The following TPTE variants were observed in gnomAD, a reference collection of about 807,000 sequenced individuals.
TPTE encodes putative tyrosine-protein phosphatase TPTE.
In TPTE, 59 loss-of-function variants were observed where a neutral mutation model predicts 84.1. The observed-to-expected ratio is 0.70, with a 90% CI of 0.57 to 0.87. The LOEUF is 0.87. TPTE is among the 40% of genes least tolerant of loss of function. The pLI is 0.00. For missense variants in TPTE, 382 were observed against 659.6 expected (o/e 0.58, Z 4.61); for synonymous variants, 130 against 223.5 (o/e 0.58, Z 3.73).
At chr21:10,546,445 C>G (rs1327588892) in intron 7 of TPTE, among the ~76,000 whole-genome samples, 5 of 152,296 alleles carry the variant, frequency 3.3e-5, no homozygotes, top group Non-Finnish European at 5.9e-5. Flanking sequence ...TCTGAGTGTC[C>G]TAGTGAAGGG....
intron 10 of TPTE, among the ~76,000 whole-genome samples, chr21:10,561,822 G>T (rs527622618): frequency 6.6e-6 from 1 of 152,430 alleles, no homozygotes; most frequent in South Asian, 2.1e-4. Flanking sequence ...CCATCCTGAA[G>T]GCAAGGACAC....
chr21:10,564,226 T>C (rs542971733), intron 10 of TPTE, among the ~76,000 whole-genome samples: 231 of 152,306 alleles, frequency 1.5e-3, no homozygotes, highest in African/African-American at 5.3e-3. Context: ...AAGACACATG[T>C]AGGCTGGAAG....
At chr21:10,594,592 G>C (rs1180972891) in intron 19 of TPTE, among the ~76,000 whole-genome samples, 2 of 152,312 alleles carry the variant, frequency 1.3e-5, no homozygotes, top group Admixed American at 6.5e-5. Flanking sequence ...TTAGGGAAAG[G>C]TGGAGAATCT....
At chr21:10,605,317 G>C in intron 23 of TPTE, 100 bp from the exon 24 acceptor site, 4 of 1,454,450 alleles carry the variant, frequency 2.8e-6, no homozygotes, top group Non-Finnish European at 3.7e-6. Context: ...TTCATGGTGA[G>C]GTTCTTTTTT....
intron 22 of TPTE, 95 bp downstream of exon 22, chr21:10,602,245 G>C: frequency 6.9e-7 from 1 of 1,443,564 alleles, no homozygotes; most frequent in South Asian, 1.1e-5. Context: ...CAAGGGAGGG[G>C]TAGGGGGAAG....
At chr21:10,545,797 ATATT>A (rs2074455781) in intron 7 of TPTE, among the ~76,000 whole-genome samples, 1 of 151,748 alleles carries the variant, frequency 6.6e-6, no homozygotes, top group Admixed American at 6.6e-5. Context: ...ACATATGTGC[ATATT>A]TAAATGTGTG....
At chr21:10,547,975 TATGAGCCC>T (rs1194980072) in intron 7 of TPTE, among the ~76,000 whole-genome samples, 2 of 152,308 alleles carry the variant, frequency 1.3e-5, no homozygotes, top group African/African-American at 4.8e-5. Context: ...ACAGAGTGAC[TATGAGCCC>T]ATGCTCAGGA....
In TPTE at chr21:10,545,698, T is replaced by A. The variant is rs997324449; in HGVS notation, c.173+2316T>A. Among the ~76,000 whole-genome samples the A allele has an allele frequency of 2.0e-5, 3 of 152,130 alleles. No individual in the cohort carries two copies. In the East Asian group the frequency reaches 5.8e-4, roughly 29 times the overall value. On this transcript the variant is annotated intron_variant, in intron 7 of 23. Coordinates refer to ENST00000618007, the MANE Select transcript of TPTE (RefSeq NM_199261.4). Reference sequence around the variant, plus strand: ...GTGTGTGTGTATATATACAGATATATCTTTTAGCTATATATGTAATATATA... The same window carrying A: ...GTGTGTGTGTATATATACAGATATAACTTTTAGCTATATATGTAATATATA...
At chr21:10,539,503 T>A (rs571017752) in intron 4 of TPTE, among the ~76,000 whole-genome samples, 4 of 152,420 alleles carry the variant, frequency 2.6e-5, no homozygotes, top group African/African-American at 7.2e-5. Context: ...CCCAGTGGAG[T>A]TGAATTTAAA....
chr21:10,531,357 T>A (rs1214505222), intron 3 of TPTE, among the ~76,000 whole-genome samples: 1 of 152,310 alleles, frequency 6.6e-6, no homozygotes, highest in African/African-American at 2.4e-5. Flanking sequence ...ACAAGCGGCT[T>A]CCCGCACCTT....
intron 10 of TPTE, among the ~76,000 whole-genome samples, chr21:10,563,012 G>T (rs1310693321): frequency 6.6e-6 from 1 of 152,304 alleles, no homozygotes; most frequent in Admixed American, 6.5e-5. Flanking sequence ...AGCAGCAAGA[G>T]AAAAGAAACC....
intron 10 of TPTE, 75 bp from the exon 11 acceptor site, chr21:10,567,595 A>T (rs1455018875): frequency 6.3e-7 from 1 of 1,586,010 alleles, no homozygotes; most frequent in Middle Eastern, 1.7e-4. Context: ...ATGAGTCAAT[A>T]GTTTGTGGTC....
At chr21:10,534,857 T>C (rs2074240398) in intron 3 of TPTE, among the ~76,000 whole-genome samples, 2 of 152,310 alleles carry the variant, frequency 1.3e-5, no homozygotes, top group African/African-American at 4.8e-5. Flanking sequence ...GACTAGTAGC[T>C]AAAACTTTCA....
In TPTE at chr21:10,569,508, GAC is replaced by G. The variant is rs1192834989; in HGVS notation, c.640_641del (p.Gln214ThrfsTer2). 3.1e-6 allele frequency: 5 copies of G among 1,613,826 alleles called. No homozygotes were observed. Among genetic ancestry groups the G allele is most frequent in the African/African-American group, 1.3e-5 (1 of 74,958 alleles). On this transcript the variant is annotated frameshift_variant, in exon 12 of 24. Coordinates refer to ENST00000618007, the MANE Select transcript of TPTE (RefSeq NM_199261.4). LOFTEE classifies it high-confidence loss of function. ...ATTTTTCATCTGTTTCATCAAAAAA[GAC>G]AACTTGAAAAGCTGATAAGAAGGCG...
At chr21:10,562,975 G>A (rs1250505378) in intron 10 of TPTE, among the ~76,000 whole-genome samples, 5 of 152,306 alleles carry the variant, frequency 3.3e-5, no homozygotes, top group Admixed American at 3.3e-4. Context: ...CAGTCCCAAA[G>A]ATCAAGGATA....
At chr21:10,564,343 C>G (rs1284990602) in intron 10 of TPTE, among the ~76,000 whole-genome samples, 1 of 152,268 alleles carries the variant, frequency 6.6e-6, no homozygotes, top group Non-Finnish European at 1.5e-5. Context: ...AACCCTGTCT[C>G]TACTAAAAAT....
intron 14 of TPTE, among the ~76,000 whole-genome samples, chr21:10,572,450 CA>C (rs58796102): frequency 0.059 from 7,713 of 130,664 alleles, no homozygotes; most frequent in South Asian, 0.093. Flanking sequence ...AGACTGTATC[CA>C]AAAAAAAAAA....
chr21:10,523,542 T>C (rs1272309980), intron 1 of TPTE, among the ~76,000 whole-genome samples: 5 of 152,004 alleles, frequency 3.3e-5, no homozygotes, highest in Non-Finnish European at 5.9e-5. Flanking sequence ...TGAGTGAGAA[T>C]ATGCAGTGTT....
intron 10 of TPTE, among the ~76,000 whole-genome samples, chr21:10,562,812 AGAG>A (rs1229919200): frequency 6.6e-6 from 1 of 152,304 alleles, no homozygotes; most frequent in African/African-American, 2.4e-5. Flanking sequence ...TTGGCCTTAA[AGAG>A]GAGGTGGGGA....
Sources: gnomAD v4.1 joint callset for allele counts (sites outside exome capture counted in the v4.1 genomes callset) on GRCh38, gnomAD v4.1.1 for gene constraint, MANE v1.5 for transcripts, NCBI Gene and HGNC (gene_info 2026-07-23, HGNC 2026-07-21) for gene names.